DNAH12: variants seen among roughly 807,000 people sequenced by gnomAD.
DNAH12 encodes the protein dynein axonemal heavy chain 12.
A neutral mutation model predicts 371.5 loss-of-function variants in DNAH12; 285 were observed. The ratio of observed to expected loss-of-function variants is 0.77; its 90% CI spans 0.70 to 0.85. The LOEUF (loss-of-function observed/expected upper bound fraction) is 0.85. Ranked by LOEUF, DNAH12 falls within the 40% of genes least tolerant of loss-of-function variation. The pLI is 0.00. For missense variants in DNAH12, 3,611 were observed against 3,689.4 expected, an observed-to-expected ratio of 0.98 and a Z score of 0.55; for synonymous variants, 1,200 against 1,213.0, an observed-to-expected ratio of 0.99 and a Z score of 0.22.
chr3:57,449,818 C>T (rs2065693225), intron 25 of DNAH12, among the ~76,000 whole-genome samples: 1 of 152,228 alleles, frequency 6.6e-6, no homozygotes, highest in Non-Finnish European at 1.5e-5. Flanking sequence ...GGCCGAAGGG[C>T]TCCTCAAGTG....
At chr3:57,430,835 C>T (rs17058138) in intron 32 of DNAH12, among the ~76,000 whole-genome samples, 1,780 of 152,158 alleles carry the variant, frequency 0.012, 27 homozygotes, top group African/African-American at 0.04. Context: ...TTGTGGATTC[C>T]GTTTCTTAGC....
At chr3:57,551,488 G>T in the DNAH12 span, among the ~76,000 whole-genome samples, 1 of 151,674 alleles carries the variant, frequency 6.6e-6, no homozygotes, top group Non-Finnish European at 1.5e-5. Context: ...AGCCAGGATG[G>T]TCTCAATCTC....
At chr3:57,299,204 C>G (rs1472201755) in intron 70 of DNAH12, among the ~76,000 whole-genome samples, 1 of 152,188 alleles carries the variant, frequency 6.6e-6, no homozygotes, top group Admixed American at 6.5e-5. Flanking sequence ...ACCCACTCGC[C>G]CGTGGCTTCC....
chr3:57,503,961 A>G lies in DNAH12; in HGVS notation c.1086+55T>C, dbSNP rs2067653566. 1.3e-5 allele frequency: 19 copies of G among 1,422,124 alleles called. No individual in the cohort carries two copies. The Middle Eastern group carries it at 1.1e-3, about 79-fold the overall frequency. The allele number at this position is 1,422,124 out of a possible 1,614,324, so 88.1% of individuals were successfully genotyped here. A position where few individuals can be genotyped will look rare whatever the true frequency, so the allele number is the denominator to read the frequency against. On this transcript the variant is annotated intron_variant, in intron 9 of 73. Coordinates refer to ENST00000495027, the MANE Select transcript of DNAH12 (RefSeq NM_001366028.2). ...CATTGTATGTACACATACACTGCAT[A>G]GAGATTCAATTCAAATAATTTAAAA...
intron 69 of DNAH12, among the ~76,000 whole-genome samples, chr3:57,305,945 A>C (rs2061460898): frequency 1.3e-5 from 2 of 152,208 alleles, no homozygotes; most frequent in Non-Finnish European, 2.9e-5. Context: ...CTCCCCCAGG[A>C]GCTTGCTACA....
intron 51 of DNAH12, 119 bp downstream of exon 51, chr3:57,380,155 TATTA>T (rs1200322357): frequency 8.5e-5 from 13 of 152,142 alleles, no homozygotes; most frequent in African/African-American, 2.4e-4. Context: ...AATATCTCTT[TATTA>T]ATTATCTTAA....
chr3:57,352,218 A>T lies in DNAH12; in HGVS notation c.9541T>A (p.Ser3181Thr). The change falls in exon 60 of 74, where the codon TCC (serine) becomes ACC (threonine). Residue 3181 changes from serine to threonine, a missense_variant. By Grantham distance (58) the Ser-to-Thr change is moderately conservative (BLOSUM62 1). Around this residue, in one of 3 missense-constraint regions of DNAH12, gnomAD observed 2,266 missense variants for 2,236.9 expected, o/e 1.01. Coordinates refer to ENST00000495027, the MANE Select transcript of DNAH12 (RefSeq NM_001366028.2). The part of the protein sequence containing the change: ...YINSIHDSNK[S>T]KILEKRLRYL... Reference sequence around the variant, plus strand: ...CGTAGGCGCTTTTCCAAAATCTTGGATTTGTTACTAAAGTTAAAAAGAAGG... The same window carrying T: ...CGTAGGCGCTTTTCCAAAATCTTGGTTTTGTTACTAAAGTTAAAAAGAAGG... The T allele has an allele frequency of 6.5e-7, 1 of 1,530,456 alleles. No homozygotes were observed. Among genetic ancestry groups the T allele is most frequent in the Non-Finnish European group, 8.8e-7 (1 of 1,142,282 alleles). The allele number at this position is 1,530,456 out of a possible 1,614,324, so 94.8% of individuals were successfully genotyped here.
At chr3:57,317,571 A>G (rs2061713111) in intron 65 of DNAH12, among the ~76,000 whole-genome samples, 1 of 152,160 alleles carries the variant, frequency 6.6e-6, no homozygotes, top group Admixed American at 6.5e-5. Flanking sequence ...AGGCTGAATA[A>G]TATTCTACGA....
chr3:57,301,265 CAAAAAAAAAAAAAAAAAAAAAA>C (rs71088054), intron 70 of DNAH12, among the ~76,000 whole-genome samples: 4 of 42,998 alleles, frequency 9.3e-5, no homozygotes, highest in Admixed American at 3.4e-4. Flanking sequence ...GACCCTGTCT[CAAAAAAAAAAAAAAAAAAAAAA>C]AAAAAAAAAA....
chr3:57,488,295 C>T (rs1575673554), intron 12 of DNAH12, among the ~76,000 whole-genome samples: 2 of 152,050 alleles, frequency 1.3e-5, no homozygotes, highest in South Asian at 2.1e-4. Context: ...CGGGTTCAAG[C>T]GATTCTCCTG....
At chr3:57,322,928 T>C in intron 64 of DNAH12, 79 bp downstream of exon 64, 3 of 1,491,558 alleles carry the variant, frequency 2.0e-6, no homozygotes, top group South Asian at 1.4e-5. Context: ...AGACTCCGTC[T>C]CAAAACAAAC....
At chr3:57,553,061 C>T in the DNAH12 span, among the ~76,000 whole-genome samples, 26,161 of 150,582 alleles carry the variant, frequency 0.17, 2,549 homozygotes, top group African/African-American at 0.23. Context: ...CTGTAATCCC[C>T]GCTACTCAGG....
chr3:57,451,731 C>T (rs1409432208), intron 25 of DNAH12, among the ~76,000 whole-genome samples: 1 of 152,144 alleles, frequency 6.6e-6, no homozygotes, highest in Non-Finnish European at 1.5e-5. Context: ...CCACACACAC[C>T]AGGAGTGTCC....
At chr3:57,344,733 A>G (rs2062495379) in intron 60 of DNAH12, among the ~76,000 whole-genome samples, 1 of 152,226 alleles carries the variant, frequency 6.6e-6, no homozygotes, top group African/African-American at 2.4e-5. Context: ...TGCAGACGCT[A>G]AAATGAAGTT....
In DNAH12 at chr3:57,403,291, G is replaced by T. The variant is rs556208910; in HGVS notation, c.6948+18C>A. The T allele has an allele frequency of 1.3e-4, 196 of 1,531,166 alleles. 2 individuals are homozygous for T. The South Asian group carries it at 2.4e-3, about 19-fold the overall frequency. The allele number at this position is 1,531,166 out of a possible 1,614,324, so 94.8% of individuals were successfully genotyped here. On this transcript the variant is annotated intron_variant, in intron 43 of 73. Coordinates refer to ENST00000495027, the MANE Select transcript of DNAH12 (RefSeq NM_001366028.2). ...ATACTGTTTTCATTTTAGATACTAG[G>T]CTTCTTCATAATTTTACCTTCATAT...
chr3:57,523,725 C>T lies in DNAH12; in HGVS notation c.252+78G>A, dbSNP rs1213099570. The T allele has an allele frequency of 5.3e-6, 7 of 1,332,192 alleles. No homozygotes were observed. The African/African-American group carries it at 9.0e-5, about 17-fold the overall frequency. The allele number at this position is 1,332,192 out of a possible 1,614,324, so 82.5% of individuals were successfully genotyped here. A position where few individuals can be genotyped will look rare whatever the true frequency, so the allele number is the denominator to read the frequency against. The stretch of plus-strand genomic sequence containing the variant: ...TATCTATTATTCCTTTTAAAAACAT[C>T]AGTTATATTGAGATTGTCTTAACTA... On this transcript the variant is annotated intron_variant, in intron 3 of 73. Coordinates refer to ENST00000495027, the MANE Select transcript of DNAH12 (RefSeq NM_001366028.2).
At chr3:57,410,344 T>C (rs1553682606) in intron 39 of DNAH12, among the ~76,000 whole-genome samples, 1 of 152,072 alleles carries the variant, frequency 6.6e-6, no homozygotes, top group African/African-American at 2.4e-5. Flanking sequence ...TCTGCGATCT[T>C]TGATGTTACT....
At chr3:57,333,329 C>CCTTTTTTTGTTTTTTTTTTT (rs2062147658) in intron 62 of DNAH12, among the ~76,000 whole-genome samples, 1 of 111,114 alleles carries the variant, frequency 9.0e-6, no homozygotes, top group African/African-American at 4.6e-5. Context: ...TTTAAGGCAA[C>CCTTTTTTTGTTTTTTTTTTT]TTTTTTTTTT....
intron 34 of DNAH12, among the ~76,000 whole-genome samples, chr3:57,427,898 C>A (rs888679978): frequency 6.6e-6 from 1 of 151,762 alleles, no homozygotes; most frequent in Non-Finnish European, 1.5e-5. Context: ...GTGAGAGAAT[C>A]AATTTCTGGT....
Sources: allele counts gnomAD v4.1 joint callset (sites outside exome capture counted in the v4.1 genomes callset), GRCh38; gene constraint gnomAD v4.1.1; regional missense constraint gnomAD v4.1.1; transcripts MANE v1.5; gene names NCBI Gene and HGNC (gene_info 2026-07-23, HGNC 2026-07-21).